The following GCH1 variants were observed in gnomAD, a reference collection of about 807,000 sequenced individuals.
GCH1 encodes GTP cyclohydrolase I.
In GCH1, 5 loss-of-function variants were observed where a neutral mutation model predicts 25.9. That is an observed-to-expected ratio of 0.19 (90% CI 0.10 to 0.41). The LOEUF (loss-of-function observed/expected upper bound fraction) is 0.41. Ranked by LOEUF, GCH1 falls within the 10% of genes least tolerant of loss-of-function variation. The probability of loss-of-function intolerance (pLI) is 1.00; values close to 1 mark genes in which losing one functional copy is unlikely to be tolerated. For synonymous variants in GCH1, 159 were observed against 129.6 expected, an observed-to-expected ratio of 1.23 and a Z score of -1.54; for missense variants, 261 against 336.5, an observed-to-expected ratio of 0.78 and a Z score of 1.75.
chr14:54,860,065 A>G (rs1476653279), intron 2 of GCH1, among the ~76,000 whole-genome samples: 1 of 152,210 alleles, frequency 6.6e-6, no homozygotes, highest in Non-Finnish European at 1.5e-5. Context: ...CAAGTCCCGC[A>G]GTCGGCCCTG....
Position 54,902,574 on chromosome 14 carries a change from G to T in GCH1, c.90C>A (p.Pro30=). 1 of 1,493,424 alleles carries T rather than the reference G, an allele frequency of 6.7e-7. No homozygotes were observed. Among genetic ancestry groups the T allele is most frequent in the South Asian group, 1.3e-5 (1 of 76,312 alleles). 92.5% of individuals were successfully genotyped at this position (1,493,424 alleles called of 1,614,324 possible). A position where few individuals can be genotyped will look rare whatever the true frequency, so the allele number is the denominator to read the frequency against. ...NGFPERDPPR[P]GPSRPAEKPP... ...GCTTCTCCGCCGGCCTGCTGGGCCCGGGCCGCGGCGGATCCCGCTCGGGGA... is the reference window on the plus strand; with the variant it reads ...GCTTCTCCGCCGGCCTGCTGGGCCCTGGCCGCGGCGGATCCCGCTCGGGGA... The change falls in exon 1 of 6, where the codon CCC becomes CCA. Residue 30 remains proline (P), a synonymous_variant. Coordinates refer to ENST00000491895, the MANE Select transcript of GCH1 (RefSeq NM_000161.3).
chr14:54,869,128 T>TCCCGGGTTCC (rs894987285), intron 1 of GCH1, among the ~76,000 whole-genome samples: 6 of 151,808 alleles, frequency 4.0e-5, no homozygotes, highest in Non-Finnish European at 7.4e-5. Context: ...AACCTTCGCC[T>TCCCGGGTTCC]CCCGGGTTCA....
At chr14:54,859,581 C>A in intron 3 of GCH1, 100 bp downstream of exon 3, 1 of 788,948 alleles carries the variant, frequency 1.3e-6, no homozygotes, top group Non-Finnish European at 2.3e-6. Flanking sequence ...CAAGTTAGAT[C>A]CATACAGGTA....
chr14:54,852,760 G>C lies in GCH1; in HGVS notation c.510-5630C>G, dbSNP rs141100893. Among the ~76,000 whole-genome samples, 86 of 152,226 alleles carry C rather than the reference G, an allele frequency of 5.6e-4. 1 individual carries two copies. The highest frequency in any genetic ancestry group is 4.4e-3 in the South Asian group (21 of 4,816). ...GAACCCATCGACAACGTAAAGTGAG[G>C]ACTTACTGTACTTGTTTTATATCCT... On this transcript the variant is annotated intron_variant, in intron 3 of 5. Transcript: ENST00000491895.
At chr14:54,860,521 G>A (rs1249672912) in intron 2 of GCH1, among the ~76,000 whole-genome samples, 1 of 150,330 alleles carries the variant, frequency 6.7e-6, no homozygotes, top group Non-Finnish European at 1.5e-5. Flanking sequence ...TAAGCTGCTA[G>A]AGAGTGCACC....
intron 3 of GCH1, among the ~76,000 whole-genome samples, chr14:54,855,532 T>C (rs2039797410): frequency 1.1e-5 from 1 of 90,774 alleles, no homozygotes; most frequent in Non-Finnish European, 2.1e-5. Flanking sequence ...AAAAAAAAGC[T>C]GGCCGGGTGC....
chr14:54,888,863 T>G (rs984142130), intron 1 of GCH1, among the ~76,000 whole-genome samples: 3 of 152,092 alleles, frequency 2.0e-5, no homozygotes, highest in African/African-American at 7.2e-5. Flanking sequence ...ATTTCAGAAT[T>G]AGATCAGTGA....
At position 54,843,389 on chromosome 14, in the gene GCH1, T is replaced by G. The variant is rs1015326028; in HGVS notation, c.*628A>C. ...CAGGAACTAATTCCCTATTCTTGAA[T>G]TTAAAAACAATAGAAGGTAGAAATG... On this transcript the variant is annotated 3_prime_UTR_variant, in exon 6 of 6. Coordinates refer to ENST00000491895, the MANE Select transcript of GCH1 (RefSeq NM_000161.3). 8.9e-6 allele frequency: 11 copies of G among 1,238,366 alleles called. No individual in the cohort carries two copies. In the African/African-American group the frequency reaches 1.7e-4, roughly 19 times the overall value. The allele number at this position is 1,238,366 out of a possible 1,614,324, so 76.7% of individuals were successfully genotyped here.
intron 1 of GCH1, among the ~76,000 whole-genome samples, chr14:54,874,923 A>G (rs1053139202): frequency 2.6e-5 from 4 of 152,224 alleles, no homozygotes; most frequent in Non-Finnish European, 4.4e-5. Context: ...ATTCAATGCC[A>G]TCCCCATCAA....
chr14:54,879,850 T>C (rs2140097158), intron 1 of GCH1, among the ~76,000 whole-genome samples: 1 of 151,906 alleles, frequency 6.6e-6, no homozygotes, highest in East Asian at 1.9e-4. Context: ...CTGGGTGTGG[T>C]GGCACATGCC....
chr14:54,865,688 G>A (rs1434767433), intron 1 of GCH1, among the ~76,000 whole-genome samples: 4 of 152,194 alleles, frequency 2.6e-5, no homozygotes, highest in Admixed American at 6.5e-5. Context: ...TATGGAAGAG[G>A]AAGGAGAACG....
chr14:54,896,719 T>C (rs2040488745), intron 1 of GCH1, among the ~76,000 whole-genome samples: 1 of 151,196 alleles, frequency 6.6e-6, no homozygotes, highest in Admixed American at 6.6e-5. Flanking sequence ...AAGACCATCC[T>C]GGCTAACACG....
intron 3 of GCH1, among the ~76,000 whole-genome samples, chr14:54,850,889 T>G (rs2039719501): frequency 6.6e-6 from 1 of 152,244 alleles, no homozygotes; most frequent in Non-Finnish European, 1.5e-5. Context: ...TGATGGACAT[T>G]TGGGTTGGTT....
rs72713475 is a variant in GCH1 at position 54,882,624 on chromosome 14, C to T, written c.344-17188G>A. The stretch of plus-strand genomic sequence containing the variant: ...GCTGTTAAACCGAAAATGGAATTTA[C>T]GAAACAGATGGTGATAACAAGGTCT... On this transcript the variant is annotated intron_variant, in intron 1 of 5. Coordinates refer to ENST00000491895, the MANE Select transcript of GCH1 (RefSeq NM_000161.3). Among the ~76,000 whole-genome samples, 469 of 152,004 alleles carry T rather than the reference C, an allele frequency of 3.1e-3. 1 individual carries two copies. The highest frequency in any genetic ancestry group is 3.8e-3 in the Non-Finnish European group (257 of 67,986).
intron 1 of GCH1, among the ~76,000 whole-genome samples, chr14:54,878,608 C>T (rs1300786639): frequency 1.3e-5 from 2 of 152,150 alleles, no homozygotes; most frequent in Non-Finnish European, 2.9e-5. Flanking sequence ...TGCCCACGTC[C>T]CACAGACACA....
chr14:54,842,877 A>G lies in GCH1; in HGVS notation c.*1140T>C, dbSNP rs925809602. 8 of 503,592 alleles carry G rather than the reference A, an allele frequency of 1.6e-5. No individual in the cohort carries two copies. The highest frequency in any genetic ancestry group is 3.7e-5 in the Admixed American group (1 of 27,378). 31.2% of individuals were successfully genotyped at this position (503,592 alleles called of 1,614,324 possible). On this transcript the variant is annotated 3_prime_UTR_variant, in exon 6 of 6. Transcript: ENST00000491895. ...CCTATACCATCTATACGGAGTTACA[A>G]TGAGGACAAGACCCACATAGACCAC...
At chr14:54,896,619 T>C (rs1412865338) in intron 1 of GCH1, among the ~76,000 whole-genome samples, 1 of 152,018 alleles carries the variant, frequency 6.6e-6, no homozygotes, top group Non-Finnish European at 1.5e-5. Context: ...AAAACCTACA[T>C]AGAAGTTTCT....
At chr14:54,872,778 A>G (rs2040099990) in intron 1 of GCH1, among the ~76,000 whole-genome samples, 2 of 152,216 alleles carry the variant, frequency 1.3e-5, no homozygotes, top group Admixed American at 6.5e-5. Context: ...TAAAGGGATC[A>G]ATTCAATTCA....
At chr14:54,872,254 A>G (rs1040166949) in intron 1 of GCH1, among the ~76,000 whole-genome samples, 39 of 151,868 alleles carry the variant, frequency 2.6e-4, no homozygotes, top group African/African-American at 9.2e-4. Flanking sequence ...ACTAAGCTTC[A>G]TAAGTGAAGG....
Sources: allele counts gnomAD v4.1 joint callset (sites outside exome capture counted in the v4.1 genomes callset), GRCh38; gene constraint gnomAD v4.1.1; transcripts MANE v1.5; gene names NCBI Gene and HGNC (gene_info 2026-07-23, HGNC 2026-07-21).